The following USP9X variants were observed in gnomAD, a reference collection of about 807,000 sequenced individuals.
USP9X encodes the protein ubiquitin specific peptidase 9 X-linked.
USP9X carries 7 observed loss-of-function variants against 190.3 expected under a neutral mutation model. That is an observed-to-expected ratio of 0.04 (90% CI 0.02 to 0.07). The LOEUF (loss-of-function observed/expected upper bound fraction) is 0.07, where lower values mean the gene tolerates loss of function less well. Ranked by LOEUF, USP9X falls within the 10% of genes least tolerant of loss-of-function variation. USP9X has a pLI of 1.00. For synonymous variants in USP9X, 645 were observed against 659.5 expected, an observed-to-expected ratio of 0.98 and a Z score of 0.34; for missense variants, 1,010 against 1,916.9, an observed-to-expected ratio of 0.53 and a Z score of 8.83.
At chrX:41,227,437 A>G (rs1331984601) in intron 41 of USP9X, among the ~76,000 whole-genome samples, 1 of 112,224 alleles carries the variant, frequency 8.9e-6, no homozygotes, top group Non-Finnish European at 1.9e-5. Context: ...TGAAATGATT[A>G]AGCTTTGCAA....
intron 31 of USP9X, among the ~76,000 whole-genome samples, chrX:41,202,258 G>T (rs1194489311): frequency 8.9e-6 from 1 of 111,762 alleles, no homozygotes; most frequent in African/African-American, 3.3e-5. Context: ...GTAGTCTTGT[G>T]GCAAAATTTA....
In USP9X at chrX:41,184,559, T is replaced by C. The variant is rs748977764; in HGVS notation, c.3442T>C (p.Tyr1148His). Reference sequence around the variant, plus strand: ...AGATATGGAAACTCGAAGGGGTGCCTACCTCAATGCTCTTAAAATAGCCAA... The same window carrying C: ...AGATATGGAAACTCGAAGGGGTGCCCACCTCAATGCTCTTAAAATAGCCAA... ...NADMETRRGA[Y>H]LNALKIAKLL... The change falls in exon 23 of 45, where the codon TAC becomes CAC. Residue 1148 changes from tyrosine (Y) to histidine (H), a missense_variant. Physicochemically the swap from Tyr to His is moderately conservative, Grantham distance 83 (BLOSUM62 2). Coordinates refer to ENST00000378308, the MANE Select transcript of USP9X (RefSeq NM_001039591.3). The C allele has an allele frequency of 8.3e-7, 1 of 1,211,682 alleles. No individual in the cohort carries two copies. Among genetic ancestry groups the C allele is most frequent in the South Asian group, 1.8e-5 (1 of 56,979 alleles).
intron 4 of USP9X, 91 bp from the exon 5 acceptor site, chrX:41,134,634 A>T: frequency 1.4e-6 from 1 of 715,457 alleles, no homozygotes; most frequent in Non-Finnish European, 2.1e-6. Context: ...TGAAGTTTCC[A>T]GTTATTTATT....
intron 1 of USP9X, among the ~76,000 whole-genome samples, chrX:41,103,524 A>G (rs1275151714): frequency 8.9e-6 from 1 of 111,939 alleles, no homozygotes; most frequent in African/African-American, 3.3e-5. Flanking sequence ...TGGTATAGCC[A>G]TGCAAAACTC....
At position 41,232,267 on chromosome X, in the gene USP9X, G is replaced by A. The variant is rs1481506398; in HGVS notation, c.7528-120G>A. ...TGTTTTGCACTATAGTAGTCCAAGG[G>A]TATTTACAGAGTAAGTCCCAAGAAT... On this transcript the variant is annotated intron_variant, in intron 44 of 44. Coordinates refer to ENST00000378308, the MANE Select transcript of USP9X (RefSeq NM_001039591.3). The A allele has an allele frequency of 6.3e-6, 5 of 788,078 alleles. No homozygotes were observed. In the East Asian group the frequency reaches 1.0e-4, roughly 16 times the overall value. 64.9% of individuals were successfully genotyped at this position (788,078 alleles called of 1,213,427 possible).
rs573725801 is a variant in USP9X, at chrX:41,105,385, T to A, written c.-158-18086T>A. Reference sequence around the variant, plus strand: ...GAATTTGACGACTCCAGGTACCTCATAAGTGGAATCATAAAATATTTGTCC... The same window carrying A: ...GAATTTGACGACTCCAGGTACCTCAAAAGTGGAATCATAAAATATTTGTCC... On this transcript the variant is annotated intron_variant, in intron 1 of 44. Transcript: ENST00000378308. Among the ~76,000 whole-genome samples, 7 of 112,209 alleles carry A rather than the reference T, an allele frequency of 6.2e-5. No individual in the cohort carries two copies. In the South Asian group the frequency reaches 2.6e-3, roughly 42 times the overall value.
chrX:41,101,643 TGG>T (rs1484069814), intron 1 of USP9X, among the ~76,000 whole-genome samples: 7 of 110,290 alleles, frequency 6.3e-5, no homozygotes, highest in Admixed American at 1.9e-4. Context: ...CACTCCAGCC[TGG>T]GCGACTGAGC....
At chrX:41,218,272 A>C in intron 36 of USP9X, 100 bp from the exon 37 acceptor site, 2 of 815,100 alleles carry the variant, frequency 2.5e-6, no homozygotes, top group Non-Finnish European at 3.5e-6. Flanking sequence ...CAGTAGAGGA[A>C]GATCTTTGTC....
intron 26 of USP9X, 97 bp from the exon 27 acceptor site, chrX:41,196,154 A>G: frequency 1.0e-6 from 1 of 988,438 alleles, no homozygotes. Flanking sequence ...TTTCCCTTTT[A>G]TACTCCCCCC....
chrX:41,174,390 C>G (rs929354097), intron 21 of USP9X, among the ~76,000 whole-genome samples: 4 of 111,679 alleles, frequency 3.6e-5, no homozygotes, highest in Non-Finnish European at 7.5e-5. Context: ...AACTGTATTG[C>G]ATTTAGTTAA....
chrX:41,102,196 GATA>G (rs759303725), intron 1 of USP9X, among the ~76,000 whole-genome samples: 35 of 112,130 alleles, frequency 3.1e-4, no homozygotes, highest in Non-Finnish European at 5.3e-4. Context: ...AATTTATAAT[GATA>G]ATCTCATTGA....
At chrX:41,095,059 AG>A (rs1204808372) in intron 1 of USP9X, among the ~76,000 whole-genome samples, 12 of 108,951 alleles carry the variant, frequency 1.1e-4, no homozygotes, top group Non-Finnish European at 2.1e-4. Flanking sequence ...AAAAAAAAAA[AG>A]TTCAGATTTT....
At chrX:41,192,300 T>G (rs1418936131) in intron 26 of USP9X, among the ~76,000 whole-genome samples, 2 of 112,475 alleles carry the variant, frequency 1.8e-5, no homozygotes, top group African/African-American at 3.2e-5. Flanking sequence ...TAACTTTTCC[T>G]TATCCCTAAT....
chrX:41,171,627 CAAAA>C, intron 20 of USP9X: 1 of 462,092 alleles, frequency 2.2e-6, no homozygotes, highest in Non-Finnish European at 3.9e-6. Context: ...GGAGCTATCA[CAAAA>C]AAATGACTGG....
rs182686888 is a variant in USP9X, at chrX:41,223,195, C to T, written c.6566-22C>T. 2,236 of 1,195,185 alleles carry T rather than the reference C, an allele frequency of 1.9e-3. 6 individuals are homozygous for T. The Middle Eastern group carries it at 0.025, about 13-fold the overall frequency. On this transcript the variant is annotated intron_variant, in intron 38 of 44. Coordinates refer to ENST00000378308, the MANE Select transcript of USP9X (RefSeq NM_001039591.3). ...ATTTTTCTCCCTCTCTTTCTTCTCCCCTTCACTCCTTTTTGTTGTAGGTGT... is the reference window on the plus strand; with the variant it reads ...ATTTTTCTCCCTCTCTTTCTTCTCCTCTTCACTCCTTTTTGTTGTAGGTGT...
chrX:41,198,476 T>C (rs2147194946), intron 29 of USP9X, 52 bp from the exon 30 acceptor site: 1 of 962,185 alleles, frequency 1.0e-6, no homozygotes, highest in East Asian at 3.6e-5. Flanking sequence ...AACTTTTTTT[T>C]TCTAAAAATA....
chrX:41,197,352 C>CCCCCCGGGGGCGGGG lies in USP9X; in HGVS notation c.4234-12_4234-11insCCCCCGGGGGCGGGG. On this transcript the variant is annotated splice_polypyrimidine_tract_variant and intron_variant, in intron 28 of 44. Coordinates refer to ENST00000378308, the MANE Select transcript of USP9X (RefSeq NM_001039591.3). Reference sequence around the variant, plus strand: ...TTCTTCCCCCCCCCACCCCACCCCCCGCCTTTGGCAGGATGATGTTAAAAG... The same window carrying CCCCCCGGGGGCGGGG: ...TTCTTCCCCCCCCCACCCCACCCCCCCCCCCGGGGGCGGGGGCCTTTGGCAGGATGATGTTAAAAG... The CCCCCCGGGGGCGGGG allele has an allele frequency of 1.0e-6, 1 of 988,223 alleles. No homozygotes were observed. Among genetic ancestry groups the CCCCCCGGGGGCGGGG allele is most frequent in the Non-Finnish European group, 1.3e-6 (1 of 759,390 alleles). 81.4% of individuals were successfully genotyped at this position (988,223 alleles called of 1,213,427 possible). A position where few individuals can be genotyped will look rare whatever the true frequency, so the allele number is the denominator to read the frequency against.
rs200939396 is a variant in USP9X at position 41,148,557 on chromosome X, A to G, written c.1608A>G (p.Leu536=). Residue 536 remains leucine (L), a synonymous_variant, in exon 12 of 45, where the codon CTA becomes CTG. Coordinates refer to ENST00000378308, the MANE Select transcript of USP9X (RefSeq NM_001039591.3). ...CTCTCAGTGCCCACATAAAAATACTAGATTACAGTTGCTCCCAGGTAAGAG... is the reference window on the plus strand; with the variant it reads ...CTCTCAGTGCCCACATAAAAATACTGGATTACAGTTGCTCCCAGGTAAGAG... The part of the protein sequence containing the change: ...DLALSAHIKI[L]DYSCSQDRDT... 9.1e-6 allele frequency: 11 copies of G among 1,211,523 alleles called. No homozygotes were observed. The highest frequency in any genetic ancestry group is 1.2e-5 in the Non-Finnish European group (11 of 895,288).
In USP9X at chrX:41,196,580, C is replaced by T; in HGVS notation, c.4087-12C>T. 2 of 1,204,233 alleles carry T rather than the reference C, an allele frequency of 1.7e-6. No homozygotes were observed. The highest frequency in any genetic ancestry group is 2.3e-5 in the Admixed American group (1 of 43,785). On this transcript the variant is annotated splice_polypyrimidine_tract_variant and intron_variant, in intron 27 of 44. Coordinates refer to ENST00000378308, the MANE Select transcript of USP9X (RefSeq NM_001039591.3). ...GGACGTGTAAATTGATATTATTCTA[C>T]TCTGTTTCCAGAGCACAGCAAGAGA...
Sources: allele counts gnomAD v4.1 joint callset (sites outside exome capture counted in the v4.1 genomes callset), GRCh38; gene constraint gnomAD v4.1.1; transcripts MANE v1.5; gene names NCBI Gene and HGNC (gene_info 2026-07-23, HGNC 2026-07-21).